TSFM: variants seen among roughly 807,000 people sequenced by gnomAD.
TSFM encodes the protein elongation factor Ts, mitochondrial.
Under a neutral mutation model 33.4 loss-of-function variants are expected in TSFM, and 29 were observed. The observed-to-expected ratio is 0.87, with a 90% CI of 0.65 to 1.18. The LOEUF (loss-of-function observed/expected upper bound fraction) is 1.18. Among genes scored for constraint, TSFM ranks in the 50% most tolerant of loss-of-function variants. The pLI is 0.00. For missense variants in TSFM, 394 were observed against 395.6 expected, an observed-to-expected ratio of 1.00 and a Z score of 0.04; for synonymous variants, 178 against 163.5, an observed-to-expected ratio of 1.09 and a Z score of -0.68.
intron 5 of TSFM, among the ~76,000 whole-genome samples, chr12:57,794,857 T>C (rs1955709588): frequency 6.6e-6 from 1 of 150,970 alleles, no homozygotes; most frequent in Non-Finnish European, 1.5e-5. Flanking sequence ...CCTCCCGGGC[T>C]CACGCCATTC....
intron 2 of TSFM, among the ~76,000 whole-genome samples, chr12:57,785,833 G>A (rs1397929325): frequency 6.6e-6 from 1 of 152,150 alleles, no homozygotes; most frequent in Non-Finnish European, 1.5e-5. Context: ...CTAGACAATA[G>A]GAATTTTTCA....
In TSFM at chr12:57,796,895, C is replaced by T. The variant is rs746597424; in HGVS notation, c.*312C>T. The T allele has an allele frequency of 1.4e-5, 14 of 1,025,710 alleles. No individual in the cohort carries two copies. The highest frequency in any genetic ancestry group is 1.6e-5 in the Non-Finnish European group (14 of 857,528). The allele number at this position is 1,025,710 out of a possible 1,614,324, so 63.5% of individuals were successfully genotyped here. The stretch of plus-strand genomic sequence containing the variant: ...TTTCTAACTTATATGTTCTGTCTTA[C>T]ACCTTTTATGACATAGAACTCTTTT... On this transcript the variant is annotated 3_prime_UTR_variant, in exon 6 of 6. Transcript: ENST00000652027.
chr12:57,792,243 C>CA, intron 4 of TSFM, among the ~76,000 whole-genome samples: 1 of 139,954 alleles, frequency 7.1e-6, no homozygotes, highest in East Asian at 2.2e-4. Flanking sequence ...GACTCCATCT[C>CA]AAAAAAAAGA....
intron 5 of TSFM, among the ~76,000 whole-genome samples, chr12:57,795,105 A>T (rs1186324652): frequency 2.1e-4 from 24 of 111,768 alleles, no homozygotes; most frequent in African/African-American, 6.4e-4. Flanking sequence ...ATATATATAA[A>T]TTTTTTTTTT....
chr12:57,786,255 G>T lies in TSFM; in HGVS notation c.324G>T (p.Gly108=). ...GGAAGACCAAAGAAGGCCTGATTGG[G>T]CTGTTGCAGGAAGGAAACACAACTG... ...QGRKTKEGLI[G]LLQEGNTTVL... Residue 108 remains glycine (G), a synonymous_variant, in exon 3 of 6, where the codon GGG becomes GGT. Coordinates refer to ENST00000652027, the MANE Select transcript of TSFM (RefSeq NM_005726.6). The T allele has an allele frequency of 6.2e-7, 1 of 1,612,250 alleles. No individual in the cohort carries two copies. Among genetic ancestry groups the T allele is most frequent in the Non-Finnish European group, 8.5e-7 (1 of 1,179,052 alleles).
chr12:57,783,051 C>T, intron 1 of TSFM, 59 bp from the exon 2 acceptor site: 2 of 1,565,168 alleles, frequency 1.3e-6, no homozygotes, highest in South Asian at 2.4e-5. Context: ...TGCCCGTGTA[C>T]CCTTCACCCT....
rs1231169313 is a variant in TSFM, at chr12:57,797,201, C to G, written c.*618C>G. ...GTGGGTGGGTACTGAGGTTTCCTGG[C>G]CAGCTGTAAGGCAGATTTTGACATT... is the stretch of plus-strand genomic sequence containing the variant. On this transcript the variant is annotated 3_prime_UTR_variant, in exon 6 of 6. Transcript: ENST00000652027. 1.0e-6 allele frequency: 1 copy of G among 985,240 alleles called. No homozygotes were observed. The highest frequency in any genetic ancestry group is 1.2e-6 in the Non-Finnish European group (1 of 829,948). 61.0% of individuals were successfully genotyped at this position (985,240 alleles called of 1,614,324 possible).
rs1023270450 is a variant in TSFM at position 57,792,780 on chromosome 12, C to T, written c.484-206C>T. Among the ~76,000 whole-genome samples, 8 of 152,058 alleles carry T rather than the reference C, an allele frequency of 5.3e-5. No homozygotes were observed. In the East Asian group the frequency reaches 5.8e-4, roughly 11 times the overall value. Reference sequence around the variant, plus strand: ...ACTAATTTTTGTATTTCGTTGGAGACGGGGTTTCACCATGTTTGCCAGGCT... The same window carrying T: ...ACTAATTTTTGTATTTCGTTGGAGATGGGGTTTCACCATGTTTGCCAGGCT... On this transcript the variant is annotated intron_variant, in intron 4 of 5. Transcript: ENST00000652027.
chr12:57,783,963 C>T (rs1412192240), intron 2 of TSFM: 8 of 702,656 alleles, frequency 1.1e-5, no homozygotes, highest in Admixed American at 4.0e-5. Flanking sequence ...TTTGCCTGTA[C>T]GGTCATGCGT....
chr12:57,787,590 T>A (rs1221070239), intron 4 of TSFM, among the ~76,000 whole-genome samples: 2 of 152,184 alleles, frequency 1.3e-5, no homozygotes, highest in African/African-American at 4.8e-5. Context: ...CATTTGAGGC[T>A]TTGTGTTCAG....
chr12:57,801,130 CG>C, downstream of TSFM: 1 of 1,611,864 alleles, frequency 6.2e-7, no homozygotes, highest in Non-Finnish European at 8.5e-7. Flanking sequence ...CTCCCAAGAG[CG>C]AACCCGACTC....
chr12:57,790,968 A>G (rs1254069975), intron 4 of TSFM, among the ~76,000 whole-genome samples: 3 of 151,134 alleles, frequency 2.0e-5, no homozygotes, highest in Non-Finnish European at 2.9e-5. Context: ...GGCCTCCTCA[A>G]AGTGCTGGAT....
In TSFM at chr12:57,783,185, T is replaced by A; in HGVS notation, c.133T>A (p.Ser45Thr). The change falls in exon 2 of 6, where the codon TCC becomes ACC. Residue 45 changes from serine (S) to threonine (T), a missense_variant. By Grantham distance (58) the Ser-to-Thr change is moderately conservative (BLOSUM62 1). Transcript: ENST00000652027. The part of the protein sequence containing the change: ...YAGPRLSASA[S>T]SKELLMKLRR... ...TGGGCCCCGTCTGTCTGCCTCGGCC[T>A]CCAGCAAGGAGCTCCTCATGAAGCT... The A allele has an allele frequency of 6.2e-7, 1 of 1,613,718 alleles. No homozygotes were observed. The highest frequency in any genetic ancestry group is 1.1e-5 in the South Asian group (1 of 91,082).
chr12:57,802,006 AGAG>A (rs1418571699), downstream of TSFM, among the ~76,000 whole-genome samples: 1 of 152,334 alleles, frequency 6.6e-6, no homozygotes, highest in Non-Finnish European at 1.5e-5. Context: ...CAGGTGAAAA[AGAG>A]GAGAAAAGTA....
intron 4 of TSFM, among the ~76,000 whole-genome samples, chr12:57,791,788 T>G (rs533899393): frequency 6.6e-6 from 1 of 152,226 alleles, no homozygotes; most frequent in Non-Finnish European, 1.5e-5. Context: ...TGGAAGTATA[T>G]CATCAAGGTG....
chr12:57,802,456 G>T, downstream of TSFM: 2 of 1,339,594 alleles, frequency 1.5e-6, no homozygotes, highest in Non-Finnish European at 2.1e-6. Context: ...GCAATTCACA[G>T]CCTCAGAAAA....
At chr12:57,793,967 TG>T (rs1955698041) in intron 5 of TSFM, among the ~76,000 whole-genome samples, 1 of 152,252 alleles carries the variant, frequency 6.6e-6, no homozygotes, top group East Asian at 1.9e-4. Context: ...ATCATTGTGG[TG>T]GGACTAGCAT....
chr12:57,801,727 C>G (rs567008594), downstream of TSFM, among the ~76,000 whole-genome samples: 1 of 151,440 alleles, frequency 6.6e-6, no homozygotes, highest in African/African-American at 2.4e-5. Context: ...ACAACAAGAG[C>G]GAAATTCTGT....
At chr12:57,799,872 T>C (rs1259333790), downstream of TSFM, 1 of 1,614,056 alleles carries the variant, frequency 6.2e-7, no homozygotes, top group Non-Finnish European at 8.5e-7. Flanking sequence ...GGGTAATATT[T>C]TGGCTCACTG....
Sources: gnomAD v4.1 joint callset for allele counts (sites outside exome capture counted in the v4.1 genomes callset) on GRCh38, gnomAD v4.1.1 for gene constraint, MANE v1.5 for transcripts, NCBI Gene and HGNC (gene_info 2026-07-23, HGNC 2026-07-21) for gene names.